The following KCMF1 variants were observed in gnomAD, a reference collection of about 807,000 sequenced individuals.
KCMF1 encodes the protein potassium channel modulatory factor 1, also known as E3 ubiquitin-protein ligase KCMF1.
Under a neutral mutation model 41.1 loss-of-function variants are expected in KCMF1, and 3 were observed. That is an observed-to-expected ratio of 0.07 (90% CI 0.03 to 0.19). KCMF1 has a LOEUF of 0.19. Ranked by LOEUF, KCMF1 falls within the 10% of genes least tolerant of loss-of-function variation. The pLI, the probability that KCMF1 is intolerant of heterozygous loss-of-function variation, is 1.00. For missense variants in KCMF1, 286 were observed against 488.9 expected (o/e 0.58, Z 3.91); for synonymous variants, 142 against 164.5 (o/e 0.86, Z 1.04).
intron 1 of KCMF1, among the ~76,000 whole-genome samples, chr2:84,998,960 ATCTATCTGTCTGTCTG>A (rs1558569576): frequency 1.9e-5 from 2 of 107,568 alleles, no homozygotes; most frequent in Non-Finnish European, 3.7e-5. Context: ...CTATCTATCT[ATCTATCTGTCTGTCTG>A]TCTATCTACC....
chr2:84,977,659 G>A (rs1177827454), intron 1 of KCMF1, among the ~76,000 whole-genome samples: 2 of 151,726 alleles, frequency 1.3e-5, no homozygotes, highest in East Asian at 3.9e-4. Context: ...CTGGGCTCAA[G>A]TGATTCTCCC....
intron 1 of KCMF1, among the ~76,000 whole-genome samples, chr2:85,017,065 G>C (rs1445286477): frequency 1.4e-5 from 2 of 145,158 alleles, no homozygotes; most frequent in South Asian, 2.2e-4. Flanking sequence ...TCGCCCAGGC[G>C]GGACTGCGGA....
rs1310989073 is a variant in KCMF1, at chr2:85,049,487, C to T, written c.723C>T (p.Ala241=). 1 of 1,614,000 alleles carries T rather than the reference C, an allele frequency of 6.2e-7. No homozygotes were observed. The highest frequency in any genetic ancestry group is 1.1e-5 in the South Asian group (1 of 91,082). The change falls in exon 6 of 7, where the codon GCC becomes GCT. Residue 241 remains alanine (A), a synonymous_variant. Transcript: ENST00000409785. The part of the protein sequence containing the change: ...QMQLQLERQH[A]QAARQQLETA... ...AGCTGCAGCTAGAACGGCAGCATGC[C>T]CAGGCAGCACGGCAACAACTGGAGA...
At chr2:85,018,561 C>T (rs1210344256) in intron 1 of KCMF1, among the ~76,000 whole-genome samples, 3 of 152,056 alleles carry the variant, frequency 2.0e-5, no homozygotes, top group African/African-American at 4.8e-5. Flanking sequence ...TGAGCCACTG[C>T]ACCCAGCCAT....
At chr2:84,994,425 C>T (rs988928963) in intron 1 of KCMF1, among the ~76,000 whole-genome samples, 39 of 150,728 alleles carry the variant, frequency 2.6e-4, no homozygotes, top group Middle Eastern at 3.4e-3. Context: ...TTTTTTGAGA[C>T]GGAGGTTCGC....
intron 2 of KCMF1, among the ~76,000 whole-genome samples, chr2:85,034,098 G>A (rs1306173876): frequency 6.6e-6 from 1 of 152,078 alleles, no homozygotes; most frequent in Non-Finnish European, 1.5e-5. Flanking sequence ...TGGAGGCTGA[G>A]GCAGGAGGAT....
chr2:85,008,971 C>G (rs1245294016), intron 1 of KCMF1, among the ~76,000 whole-genome samples: 1 of 152,040 alleles, frequency 6.6e-6, no homozygotes, highest in Non-Finnish European at 1.5e-5. Context: ...CTCTAGCAGT[C>G]TTCCCACCTT....
chr2:85,011,664 G>T (rs1056860773), intron 1 of KCMF1, among the ~76,000 whole-genome samples: 1 of 152,152 alleles, frequency 6.6e-6, no homozygotes, highest in African/African-American at 2.4e-5. Context: ...AAGACCTGCT[G>T]CCAGAAAGAT....
rs202079409 is a variant in KCMF1, at chr2:85,035,097, C to T, written c.266C>T (p.Thr89Met). 2.3e-5 allele frequency: 37 copies of T among 1,613,214 alleles called. No homozygotes were observed. Among genetic ancestry groups the T allele is most frequent in the South Asian group, 7.7e-5 (7 of 90,994 alleles). The part of the protein sequence containing the change: ...TCPYCGKMGY[T>M]ETSLQEHVTS... ...CCCTATTGTGGAAAAATGGGCTATA[C>T]GGAGACATCTCTTCAAGAACATGTT... Residue 89 changes from threonine (T) to methionine (M), a missense_variant, in exon 3 of 7, where the codon ACG (threonine) becomes ATG (methionine). Thr to Met is a moderately conservative substitution (Grantham distance 81, BLOSUM62 -1). This residue lies in a region of KCMF1 where 95 missense variants were observed against 209.6 expected (regional missense o/e 0.45). Coordinates refer to ENST00000409785, the MANE Select transcript of KCMF1 (RefSeq NM_020122.5).
intron 5 of KCMF1, among the ~76,000 whole-genome samples, chr2:85,047,382 A>C (rs1016264029): frequency 6.6e-6 from 1 of 152,170 alleles, no homozygotes; most frequent in African/African-American, 2.4e-5. Flanking sequence ...CCTATCTCAG[A>C]TGTTGTGCAA....
chr2:85,048,181 A>G (rs941149654), intron 5 of KCMF1, among the ~76,000 whole-genome samples: 1 of 152,250 alleles, frequency 6.6e-6, no homozygotes, highest in South Asian at 2.1e-4. Flanking sequence ...GATATACCAT[A>G]TAAAATTTTA....
intron 1 of KCMF1, among the ~76,000 whole-genome samples, chr2:84,980,944 C>CCTCA (rs1291130373): frequency 2.0e-5 from 3 of 151,806 alleles, no homozygotes; most frequent in Non-Finnish European, 4.4e-5. Context: ...CCCAGCCTAG[C>CCTCA]CTCATCTCTT....
intron 1 of KCMF1, among the ~76,000 whole-genome samples, chr2:85,012,700 G>A (rs963597775): frequency 1.3e-5 from 2 of 152,108 alleles, no homozygotes; most frequent in Non-Finnish European, 2.9e-5. Context: ...ACTCTTTTCC[G>A]CCAGTGCTAG....
intron 5 of KCMF1, among the ~76,000 whole-genome samples, chr2:85,048,322 AAAAATT>A (rs1161300308): frequency 6.6e-6 from 1 of 152,224 alleles, no homozygotes; most frequent in Non-Finnish European, 1.5e-5. Flanking sequence ...GGCAGGCACT[AAAAATT>A]AAAGTAGTTT....
intron 1 of KCMF1, among the ~76,000 whole-genome samples, chr2:84,984,518 T>C (rs1025494546): frequency 6.6e-6 from 1 of 151,956 alleles, no homozygotes; most frequent in African/African-American, 2.4e-5. Context: ...TTTTCTTTTA[T>C]ATTTAAAGAA....
At chr2:85,017,093 C>T (rs1026150562) in intron 1 of KCMF1, among the ~76,000 whole-genome samples, 3 of 145,380 alleles carry the variant, frequency 2.1e-5, no homozygotes, top group Admixed American at 7.1e-5. Flanking sequence ...GGCGCAATCT[C>T]GGCTCACTGC....
intron 1 of KCMF1, among the ~76,000 whole-genome samples, chr2:85,023,697 A>G (rs78449592): frequency 0.015 from 2,336 of 152,306 alleles, 31 homozygotes; most frequent in South Asian, 0.063. Flanking sequence ...GCACACAGAC[A>G]AAAGATTCCC....
chr2:84,985,568 C>T (rs1001629650), intron 1 of KCMF1, among the ~76,000 whole-genome samples: 1 of 150,870 alleles, frequency 6.6e-6, no homozygotes, highest in African/African-American at 2.4e-5. Flanking sequence ...CGGTGGCTCA[C>T]GCCTCTAATC....
intron 2 of KCMF1, among the ~76,000 whole-genome samples, chr2:85,029,440 A>G (rs1434626105): frequency 6.6e-6 from 1 of 151,964 alleles, no homozygotes; most frequent in African/African-American, 2.4e-5. Flanking sequence ...CGAAAAATAC[A>G]ATAAATTAGC....
Sources: gnomAD v4.1 joint callset for allele counts (sites outside exome capture counted in the v4.1 genomes callset) on GRCh38, gnomAD v4.1.1 for gene constraint, gnomAD v4.1.1 regional missense constraint, MANE v1.5 for transcripts, NCBI Gene and HGNC (gene_info 2026-07-23, HGNC 2026-07-21) for gene names.